Variants in SLC4A4 observed in about 807,000 individuals in gnomAD.
SLC4A4 encodes electrogenic sodium bicarbonate cotransporter 1.
In SLC4A4, 27 loss-of-function variants were observed where a neutral mutation model predicts 111.5. That is an observed-to-expected ratio of 0.24 (90% CI 0.18 to 0.33). SLC4A4 has a LOEUF of 0.33. Ranked by LOEUF, SLC4A4 falls within the 10% of genes least tolerant of loss-of-function variation. The pLI is 1.00. For missense variants in SLC4A4, 909 were observed against 1,315.5 expected (o/e 0.69, Z 4.78); for synonymous variants, 443 against 463.4 (o/e 0.96, Z 0.57).
At chr4:71,510,957 T>C (rs1278468366) in intron 16 of SLC4A4, among the ~76,000 whole-genome samples, 1 of 152,182 alleles carries the variant, frequency 6.6e-6, no homozygotes, top group Non-Finnish European at 1.5e-5. Context: ...TTTAAGATGA[T>C]AACAACTTAC....
At chr4:71,397,485 T>C in intron 6 of SLC4A4, 92 bp from the exon 7 acceptor site, 1 of 1,100,220 alleles carries the variant, frequency 9.1e-7, no homozygotes. Context: ...ACCATTTCCA[T>C]CATCATCTAC....
intron 3 of SLC4A4, among the ~76,000 whole-genome samples, chr4:71,255,892 T>G (rs1226404556): frequency 6.6e-6 from 1 of 152,090 alleles, no homozygotes; most frequent in Non-Finnish European, 1.5e-5. Context: ...TTGTGGAAAA[T>G]CATCCTGTAA....
intron 1 of SLC4A4, among the ~76,000 whole-genome samples, chr4:71,076,698 T>G (rs1310170976): frequency 6.6e-6 from 1 of 152,066 alleles, no homozygotes; most frequent in East Asian, 1.9e-4. Context: ...AATATGAACT[T>G]TAAAAAATAA....
chr4:71,516,113 T>G (rs1313564972), intron 16 of SLC4A4, among the ~76,000 whole-genome samples: 1 of 80,216 alleles, frequency 1.2e-5, no homozygotes, highest in African/African-American at 4.8e-5. Context: ...TTTTTTTTTT[T>G]GAGATGGAGT....
At chr4:71,389,773 A>G (rs527538893) in intron 6 of SLC4A4, among the ~76,000 whole-genome samples, 1 of 152,328 alleles carries the variant, frequency 6.6e-6, no homozygotes, top group East Asian at 1.9e-4. Flanking sequence ...ATTCATTCAC[A>G]AAGTATTAAG....
intron 20 of SLC4A4, among the ~76,000 whole-genome samples, chr4:71,547,988 A>T (rs2149237129): frequency 6.6e-6 from 1 of 152,026 alleles, no homozygotes; most frequent in South Asian, 2.1e-4. Flanking sequence ...ATCTGTGAAA[A>T]TAGTAGTTTC....
At chr4:71,119,588 T>C (rs1396045809) in intron 2 of SLC4A4, among the ~76,000 whole-genome samples, 1 of 152,204 alleles carries the variant, frequency 6.6e-6, no homozygotes, top group East Asian at 1.9e-4. Flanking sequence ...AGGATCTTGC[T>C]ATGTTATCCA....
chr4:71,240,584 T>G (rs1238687019), intron 2 of SLC4A4, among the ~76,000 whole-genome samples: 1 of 152,098 alleles, frequency 6.6e-6, no homozygotes, highest in East Asian at 1.9e-4. Flanking sequence ...TTCTACAAAT[T>G]CACATGTCTA....
At chr4:71,367,621 C>G (rs1351397249) in intron 6 of SLC4A4, among the ~76,000 whole-genome samples, 1 of 152,160 alleles carries the variant, frequency 6.6e-6, no homozygotes, top group Non-Finnish European at 1.5e-5. Context: ...ACAATCTCAA[C>G]CCATTCATTT....
At chr4:71,253,928 A>C (rs557105695) in intron 2 of SLC4A4, among the ~76,000 whole-genome samples, 1 of 152,188 alleles carries the variant, frequency 6.6e-6, no homozygotes. Flanking sequence ...GCTTAGCTGG[A>C]ATATCTTTCC....
At chr4:71,221,444 T>C (rs376271461) in intron 1 of SLC4A4, among the ~76,000 whole-genome samples, 3 of 152,160 alleles carry the variant, frequency 2.0e-5, no homozygotes, top group East Asian at 1.9e-4. Flanking sequence ...CAGGGCATTT[T>C]CCCCCAAAGT....
At chr4:71,412,813 G>A (rs1721475337) in intron 7 of SLC4A4, among the ~76,000 whole-genome samples, 1 of 152,174 alleles carries the variant, frequency 6.6e-6, no homozygotes, top group South Asian at 2.1e-4. Flanking sequence ...ACCAGAAGAA[G>A]CAAATGACTG....
intron 1 of SLC4A4, among the ~76,000 whole-genome samples, chr4:71,199,938 A>G (rs1184474925): frequency 6.7e-6 from 1 of 148,976 alleles, no homozygotes. Flanking sequence ...GGCGTGAACC[A>G]CTGTGTCCAG....
intron 8 of SLC4A4, 72 bp downstream of exon 8, chr4:71,440,845 C>A: frequency 6.7e-7 from 1 of 1,502,606 alleles, no homozygotes; most frequent in South Asian, 1.1e-5. Context: ...GCTGGAGAAT[C>A]AATAGAATGA....
chr4:71,248,557 G>T (rs1282225166), intron 2 of SLC4A4, among the ~76,000 whole-genome samples: 1 of 151,940 alleles, frequency 6.6e-6, no homozygotes, highest in Non-Finnish European at 1.5e-5. Flanking sequence ...AGCTCTTCAG[G>T]AACTGCAGTT....
At chr4:71,553,186 C>A (rs1219136658) in intron 20 of SLC4A4, among the ~76,000 whole-genome samples, 14 of 151,930 alleles carry the variant, frequency 9.2e-5, no homozygotes, top group Non-Finnish European at 2.9e-5. Context: ...GTATTATTTC[C>A]TTTTCAACAA....
In SLC4A4 at chr4:71,062,931, A is replaced by G. The variant is rs974849764; in HGVS notation, c.-65+143A>G. 2.0e-5 allele frequency among the ~76,000 whole-genome samples: 3 copies of G among 152,206 alleles called. No homozygotes were observed. The East Asian group carries it at 5.8e-4, about 29-fold the overall frequency. The stretch of plus-strand genomic sequence containing the variant: ...CTGATTTGATTTTCATCCATTGTTA[A>G]AAGAAATACTAATCTAGAAAAAGGT... On this transcript the variant is annotated intron_variant, in intron 1 of 26. Transcript: ENST00000649996.
chr4:71,455,355 G>T (rs562277370), intron 12 of SLC4A4, among the ~76,000 whole-genome samples: 1 of 152,232 alleles, frequency 6.6e-6, no homozygotes, highest in South Asian at 2.1e-4. Flanking sequence ...TCCCTCATTT[G>T]TAAGACAAAA....
chr4:71,469,782 C>A (rs1198076444), intron 13 of SLC4A4, among the ~76,000 whole-genome samples: 1 of 151,786 alleles, frequency 6.6e-6, no homozygotes, highest in Non-Finnish European at 1.5e-5. Context: ...GTTTTATTGA[C>A]TTTATTTGGG....
Sources: allele counts gnomAD v4.1 joint callset (sites outside exome capture counted in the v4.1 genomes callset), GRCh38; gene constraint gnomAD v4.1.1; transcripts MANE v1.5; gene names NCBI Gene and HGNC (gene_info 2026-07-23, HGNC 2026-07-21).